The following ADAMTS13 variants were observed in gnomAD, a reference collection of about 807,000 sequenced individuals.
ADAMTS13 encodes the protein A disintegrin and metalloproteinase with thrombospondin motifs 13.
In ADAMTS13, 110 loss-of-function variants were observed where a neutral mutation model predicts 155.1. The observed-to-expected ratio is 0.71, with a 90% confidence interval of 0.61 to 0.83. The LOEUF is 0.83. Among genes scored for constraint, ADAMTS13 ranks in the 40% least tolerant of loss-of-function variants. ADAMTS13 has a pLI of 0.00. For synonymous variants in ADAMTS13, 758 were observed against 756.4 expected (o/e 1.00, Z -0.03); for missense variants, 1,707 against 1,891.7 (o/e 0.90, Z 1.81).
Position 133,456,212 on chromosome 9 carries a change from G to A in ADAMTS13, c.3544G>A (p.Ala1182Thr), listed in dbSNP as rs1588209576. ...RVLESSLNCSAGDMLLLWGRL... is the reference protein window; with the variant it reads ...RVLESSLNCSTGDMLLLWGRL... ...CCTTGAGAGTTCTCTCAACTGCAGT[G>A]CGGGTATGTCTAGGGCCATGCAAGC... Residue 1182 changes from alanine (A) to threonine (T), a missense_variant, in exon 26 of 29, where the codon GCG becomes ACG. Physicochemically the swap from Ala to Thr is moderately conservative, Grantham distance 58. Around this residue, in one of 3 missense-constraint regions of ADAMTS13, gnomAD observed 961 missense variants for 1,107.9 expected, o/e 0.87. Coordinates refer to ENST00000355699, the MANE Select transcript of ADAMTS13 (RefSeq NM_139027.6). This position sits in a 1 kb window ranked among gnomAD's most constrained non-coding sequence, Gnocchi z 4.4. The A allele has an allele frequency of 6.2e-6, 10 of 1,613,516 alleles. No homozygotes were observed. Among genetic ancestry groups the A allele is most frequent in the Non-Finnish European group, 8.5e-6 (10 of 1,180,030 alleles).
In ADAMTS13 at chr9:133,456,744, C is replaced by G; in HGVS notation, c.3724+25C>G. On this transcript the variant is annotated intron_variant, in intron 27 of 28. Transcript: ENST00000355699. This position sits in a 1 kb window ranked among gnomAD's most constrained non-coding sequence, Gnocchi z 4.4. ...GGTATGGCCAGGCCTTCTCCACCTC[C>G]CTTGGGTGCTCCAGTCCTGGCAGGG... 1 of 1,551,984 alleles carries G rather than the reference C, an allele frequency of 6.4e-7. No homozygotes were observed. The highest frequency in any genetic ancestry group is 8.7e-7 in the Non-Finnish European group (1 of 1,147,362).
At chr9:133,446,577 C>T (rs990639161) in intron 21 of ADAMTS13, among the ~76,000 whole-genome samples, 1 of 152,234 alleles carries the variant, frequency 6.6e-6, no homozygotes, top group Admixed American at 6.5e-5. Flanking sequence ...ATTTATTCAT[C>T]AGTGGACACT....
At chr9:133,437,024 T>G in intron 12 of ADAMTS13, 69 bp downstream of exon 12, 1 of 1,525,988 alleles carries the variant, frequency 6.6e-7, no homozygotes, top group Admixed American at 1.9e-5. Flanking sequence ...GGCAGAGTCA[T>G]AGGGGGGTTG....
chr9:133,438,005 C>T, intron 13 of ADAMTS13, 108 bp downstream of exon 13: 1 of 1,574,884 alleles, frequency 6.3e-7, no homozygotes, highest in Non-Finnish European at 8.7e-7. Context: ...GCAGTGCCCT[C>T]TGCAGGGGAG....
rs118142348 is a variant in ADAMTS13, at chr9:133,452,945, T to C, written c.3045-1470T>C. ...GTGGATATCCTCGAGGCCCTGGATA[T>C]CCCTCCCCCAGGCTCGGCTCAGACA... On this transcript the variant is annotated intron_variant, in intron 23 of 28. Coordinates refer to ENST00000355699, the MANE Select transcript of ADAMTS13 (RefSeq NM_139027.6). Among the ~76,000 whole-genome samples, 133 of 152,238 alleles carry C rather than the reference T, an allele frequency of 8.7e-4. 3 individuals are homozygous for C. The East Asian group carries it at 0.024, about 28-fold the overall frequency.
intron 14 of ADAMTS13, among the ~76,000 whole-genome samples, chr9:133,438,886 G>A (rs1205866102): frequency 1.4e-5 from 2 of 142,816 alleles, no homozygotes; most frequent in Admixed American, 7.6e-5. Flanking sequence ...ACTCCAGCCC[G>A]GGCAACAGAG....
chr9:133,436,318 G>A (rs1396324099), intron 11 of ADAMTS13, among the ~76,000 whole-genome samples: 1 of 151,728 alleles, frequency 6.6e-6, no homozygotes, highest in African/African-American at 2.4e-5. Context: ...AGACCGTGAG[G>A]GGAGGGTCTT....
chr9:133,454,367 T>C lies in ADAMTS13; in HGVS notation c.3045-48T>C, dbSNP rs36023469. ...GAGAGGGGCCTGCGTGGGGCAGTAC[T>C]GTCTCTGGGGAGACCTAGCCTCTCT... is the stretch of plus-strand genomic sequence containing the variant. On this transcript the variant is annotated intron_variant, in intron 23 of 28. Transcript: ENST00000355699. The C allele has an allele frequency of 0.044, 70,070 of 1,604,582 alleles. 1,780 individuals carry two copies. The highest frequency in any genetic ancestry group is 0.052 in the Non-Finnish European group (60,887 of 1,172,784).
At position 133,456,116 on chromosome 9, in the gene ADAMTS13, C is replaced by A; in HGVS notation, c.3448C>A (p.Arg1150=). 6.2e-7 allele frequency: 1 copy of A among 1,613,354 alleles called. No homozygotes were observed. Among genetic ancestry groups the A allele is most frequent in the South Asian group, 1.1e-5 (1 of 91,086 alleles). The change falls in exon 26 of 29, where the codon CGA becomes AGA. Residue 1150 remains arginine (R), a synonymous_variant. Transcript: ENST00000355699. This position sits in a 1 kb window ranked among gnomAD's most constrained non-coding sequence, Gnocchi z 4.4. ...HLEPTGTIDM[R]GPGQADCAVA... is the part of the protein sequence containing the mutation. ...TGAGCCAACAGGAACCATTGACATG[C>A]GAGGCCCAGGGCAGGCAGACTGTGC...
Position 133,442,621 on chromosome 9 carries a change from C to T in ADAMTS13, c.2112C>T (p.Arg704=), listed in dbSNP as rs1287067326. ...PCSVSCGAGL[R]WVNYSCLDQA... Reference sequence around the variant, plus strand: ...CTCCCTCTTCCCTCCCAGGGCTGCGCTGGGTAAACTACAGCTGCCTGGACC... The same window carrying T: ...CTCCCTCTTCCCTCCCAGGGCTGCGTTGGGTAAACTACAGCTGCCTGGACC... The change falls in exon 18 of 29, where the codon CGC becomes CGT. Residue 704 remains arginine (R), a synonymous_variant. Transcript: ENST00000355699. 1 of 1,613,266 alleles carries T rather than the reference C, an allele frequency of 6.2e-7. No individual in the cohort carries two copies. Among genetic ancestry groups the T allele is most frequent in the Non-Finnish European group, 8.5e-7 (1 of 1,180,014 alleles).
At chr9:133,421,221 G>A (rs1588147763), upstream of ADAMTS13, among the ~76,000 whole-genome samples, 1 of 152,210 alleles carries the variant, frequency 6.6e-6, no homozygotes, top group Non-Finnish European at 1.5e-5. Flanking sequence ...AGCCGAGATC[G>A]TGCCACTGCA....
chr9:133,442,749 T>C lies in ADAMTS13; in HGVS notation c.2234+6T>C. On this transcript the variant is annotated splice_donor_region_variant and intron_variant, in intron 18 of 28. Coordinates refer to ENST00000355699, the MANE Select transcript of ADAMTS13 (RefSeq NM_139027.6). Reference sequence around the variant, plus strand: ...CTCGAACCCTGCCCTCCCTAGTGAGTGTGGTGCTGTCTGCGCAGCTCCAAG... The same window carrying C: ...CTCGAACCCTGCCCTCCCTAGTGAGCGTGGTGCTGTCTGCGCAGCTCCAAG... 3 of 1,611,908 alleles carry C rather than the reference T, an allele frequency of 1.9e-6. No homozygotes were observed. Among genetic ancestry groups the C allele is most frequent in the Non-Finnish European group, 2.5e-6 (3 of 1,179,786 alleles).
intron 8 of ADAMTS13, among the ~76,000 whole-genome samples, chr9:133,430,903 G>A (rs1392036032): frequency 4.6e-5 from 7 of 151,902 alleles, no homozygotes; most frequent in Admixed American, 1.3e-4. Context: ...CTCGTGATCC[G>A]CCCGCCCTGG....
Position 133,442,634 on chromosome 9 carries a change from A to G in ADAMTS13, c.2125A>G (p.Ser709Gly). Residue 709 changes from serine to glycine, a missense_variant, in exon 18 of 29, where the codon AGC becomes GGC. Around this residue, in one of 3 missense-constraint regions of ADAMTS13, gnomAD observed 961 missense variants for 1,107.9 expected, o/e 0.87. Coordinates refer to ENST00000355699, the MANE Select transcript of ADAMTS13 (RefSeq NM_139027.6). ...CCCAGGGCTGCGCTGGGTAAACTAC[A>G]GCTGCCTGGACCAGGCCAGGAAGGA... is the stretch of plus-strand genomic sequence containing the variant. Reference protein sequence around the residue: ...CGAGLRWVNYSCLDQARKELV... With the variant: ...CGAGLRWVNYGCLDQARKELV... 2 of 1,613,270 alleles carry G rather than the reference A, an allele frequency of 1.2e-6. No homozygotes were observed. The highest frequency in any genetic ancestry group is 1.7e-6 in the Non-Finnish European group (2 of 1,180,018).
rs1310458321 is a variant in ADAMTS13, at chr9:133,440,552, AGTGG to A, written c.1968+29_1968+32del. 1.3e-6 allele frequency: 2 copies of A among 1,567,638 alleles called. No individual in the cohort carries two copies. The highest frequency in any genetic ancestry group is 1.7e-6 in the Non-Finnish European group (2 of 1,153,436). Reference sequence around the variant, plus strand: ...TCAGCAGGAGAGCCTGGGGGAGGCCAGTGGGGGCTTCTTCTTGGGGGCTATGGCT... The same window carrying A: ...TCAGCAGGAGAGCCTGGGGGAGGCCAGGGCTTCTTCTTGGGGGCTATGGCT... On this transcript the variant is annotated intron_variant, in intron 16 of 28. Transcript: ENST00000355699. The surrounding 1 kb of genome is among the most constrained non-coding windows in gnomAD (Gnocchi z 4.3).
intron 8 of ADAMTS13, among the ~76,000 whole-genome samples, chr9:133,431,574 G>A (rs960013450): frequency 2.0e-5 from 3 of 152,006 alleles, no homozygotes; most frequent in Non-Finnish European, 2.9e-5. Flanking sequence ...TGATCCGCCC[G>A]CCTTGGCCTC....
intron 8 of ADAMTS13, among the ~76,000 whole-genome samples, chr9:133,430,693 CTATTTTTTT>C (rs1840690883): frequency 7.2e-6 from 1 of 139,724 alleles, no homozygotes; most frequent in South Asian, 2.2e-4. Flanking sequence ...TTTTTTTTTC[CTATTTTTTT>C]TTTTTTTTGA....
chr9:133,422,096 C>T (rs950613461), upstream of ADAMTS13: 13 of 322,086 alleles, frequency 4.0e-5, no homozygotes, highest in African/African-American at 2.8e-4. Flanking sequence ...TTGTGAACCC[C>T]CGTCTGTGGG....
Position 133,446,082 on chromosome 9 carries a change from G to A in ADAMTS13, c.2731+263G>A, listed in dbSNP as rs140165919. Among the ~76,000 whole-genome samples, 374 of 152,326 alleles carry A rather than the reference G, an allele frequency of 2.5e-3. 1 individual carries two copies. The highest frequency in any genetic ancestry group is 8.4e-3 in the African/African-American group (349 of 41,570). The stretch of plus-strand genomic sequence containing the variant: ...CCATTCCTTATGGTCCTAGCAGAGC[G>A]GCCGGGGGGTCCCCAATTGATGACC... On this transcript the variant is annotated intron_variant, in intron 21 of 28. Coordinates refer to ENST00000355699, the MANE Select transcript of ADAMTS13 (RefSeq NM_139027.6).
Sources: gnomAD v4.1 joint callset for allele counts (sites outside exome capture counted in the v4.1 genomes callset) on GRCh38, gnomAD v4.1.1 for gene constraint, gnomAD v4.1.1 regional missense constraint, Gnocchi (gnomAD v3.1) non-coding constraint, MANE v1.5 for transcripts, NCBI Gene and HGNC (gene_info 2026-07-23, HGNC 2026-07-21) for gene names.